The following DMD variants were observed in gnomAD, a reference collection of about 807,000 sequenced individuals.
DMD encodes mutant dystrophin.
In DMD, 63 loss-of-function variants were observed where a neutral mutation model predicts 330.1. The observed-to-expected ratio is 0.19, with a 90% CI of 0.16 to 0.24. The LOEUF (loss-of-function observed/expected upper bound fraction) is 0.24. Ranked by LOEUF, DMD falls within the 10% of genes least tolerant of loss-of-function variation. The pLI is 1.00. For synonymous variants in DMD, 1,223 were observed against 959.8 expected (o/e 1.27, Z -5.07); for missense variants, 3,344 against 2,684.1 (o/e 1.25, Z -5.43).
intron 2 of DMD, among the ~76,000 whole-genome samples, chrX:32,858,561 C>T (rs1466839003): frequency 1.8e-5 from 2 of 111,585 alleles, no homozygotes; most frequent in East Asian, 2.8e-4. Context: ...ATCTCTTGAC[C>T]TTGTGATCCG....
At position 32,573,950 on chromosome X, in the gene DMD, C is replaced by T. The variant is rs138977666; in HGVS notation, c.1603-104G>A. 8.8e-5 allele frequency: 55 copies of T among 624,782 alleles called. No homozygotes were observed. The African/African-American group carries it at 9.2e-4, about 11-fold the overall frequency. 51.5% of individuals were successfully genotyped at this position (624,782 alleles called of 1,213,427 possible). A position where few individuals can be genotyped will look rare whatever the true frequency, so the allele number is the denominator to read the frequency against. Reference sequence around the variant, plus strand: ...CCAAAGTATCTCAGTCTCCTATGTACGCTAGAAGTTGGAAGGGACACTCTT... The same window carrying T: ...CCAAAGTATCTCAGTCTCCTATGTATGCTAGAAGTTGGAAGGGACACTCTT... On this transcript the variant is annotated intron_variant, in intron 13 of 78. Transcript: ENST00000357033.
chrX:31,232,336 T>C lies in DMD; in HGVS notation c.9287-9215A>G, dbSNP rs138036037. 5.2e-3 allele frequency among the ~76,000 whole-genome samples: 573 copies of C among 110,927 alleles called. 4 individuals are homozygous for C. Among genetic ancestry groups the C allele is most frequent in the African/African-American group, 0.017 (528 of 30,456 alleles). ...ATTTGTCTCTCTTTATCCCTGAAAC[T>C]CTACCAGGTTGATAGAAGAGGAATA... is the stretch of plus-strand genomic sequence containing the variant. On this transcript the variant is annotated intron_variant, in intron 63 of 78. Coordinates refer to ENST00000357033, the MANE Select transcript of DMD (RefSeq NM_004006.3).
intron 60 of DMD, among the ~76,000 whole-genome samples, chrX:31,350,642 A>T (rs868741306): frequency 0.015 from 1,367 of 90,938 alleles, 10 homozygotes; most frequent in African/African-American, 0.036. Context: ...TGAGAGAGAG[A>T]GAGAGAGAGA....
intron 1 of DMD, among the ~76,000 whole-genome samples, chrX:33,049,420 C>T (rs915133269): frequency 1.8e-5 from 2 of 111,260 alleles, no homozygotes; most frequent in African/African-American, 6.5e-5. Flanking sequence ...TCTTAACCTA[C>T]AGTATTAATG....
chrX:31,553,945 A>T lies in DMD; in HGVS notation c.8218-46492T>A, dbSNP rs1374091733. 2.3e-4 allele frequency among the ~76,000 whole-genome samples: 26 copies of T among 112,836 alleles called. No homozygotes were observed. In the Admixed American group the frequency reaches 2.4e-3, roughly 11 times the overall value. ...ATTTAGAATCTTAAACAATATCATT[A>T]CATATGTCCTTTTGATTTTCAATGA... is the stretch of plus-strand genomic sequence containing the variant. On this transcript the variant is annotated intron_variant, in intron 55 of 78. Transcript: ENST00000357033.
At chrX:32,169,831 C>T (rs756406892) in intron 44 of DMD, among the ~76,000 whole-genome samples, 28 of 109,136 alleles carry the variant, frequency 2.6e-4, no homozygotes, top group African/African-American at 8.7e-4. Context: ...TTTTTTTCCT[C>T]GCATTGTTTC....
intron 39 of DMD, among the ~76,000 whole-genome samples, chrX:32,345,377 C>T (rs2097760322): frequency 9.0e-6 from 1 of 111,610 alleles, no homozygotes; most frequent in Non-Finnish European, 1.9e-5. Flanking sequence ...ATGAAAGTAG[C>T]AGTTCTTATT....
intron 59 of DMD, among the ~76,000 whole-genome samples, chrX:31,459,384 G>A (rs143469797): frequency 2.5e-3 from 283 of 112,265 alleles, no homozygotes; most frequent in African/African-American, 8.4e-3. Flanking sequence ...ACACATCAAT[G>A]TATTGCCAAA....
rs2044083706 is a variant in DMD, at chrX:32,501,817, T to G, written c.2318A>C (p.Lys773Thr). The change falls in exon 19 of 79, where the codon AAG becomes ACG. Residue 773 changes from lysine to threonine, a missense_variant. By Grantham distance (78) the Lys-to-Thr change is moderately conservative. Transcript: ENST00000357033. ...GCTGGCATCTTGCAGTTTTCTGAAC[T>G]TCTCAGCTTTTTCTCGCTCTATGGC... Reference protein sequence around the residue: ...VNAIEREKAEKFRKLQDASRS... With the variant: ...VNAIEREKAETFRKLQDASRS... 16 of 1,207,404 alleles carry G rather than the reference T, an allele frequency of 1.3e-5. 1 individual carries two copies. The highest frequency in any genetic ancestry group is 1.8e-5 in the Non-Finnish European group (16 of 892,809).
intron 49 of DMD, among the ~76,000 whole-genome samples, chrX:31,824,235 G>C (rs1489233402): frequency 2.7e-5 from 3 of 111,298 alleles, no homozygotes; most frequent in Admixed American, 9.5e-5. Flanking sequence ...AAATGGATAA[G>C]GGTATATGTA....
intron 7 of DMD, among the ~76,000 whole-genome samples, chrX:32,711,182 G>T (rs1179569131): frequency 3.6e-5 from 4 of 111,077 alleles, no homozygotes; most frequent in Non-Finnish European, 5.7e-5. Context: ...CTGGATGAGG[G>T]TTAAAACTGA....
At chrX:33,094,824 A>G (rs55946262) in intron 1 of DMD, among the ~76,000 whole-genome samples, 12 of 108,727 alleles carry the variant, frequency 1.1e-4, no homozygotes, top group African/African-American at 3.7e-4. Flanking sequence ...AAAAAAAAAG[A>G]AAAAAAAGAA....
chrX:33,067,927 T>C (rs2094690922), intron 1 of DMD, among the ~76,000 whole-genome samples: 1 of 112,137 alleles, frequency 8.9e-6, no homozygotes, highest in Admixed American at 9.5e-5. Flanking sequence ...TCCATAATAC[T>C]GATTCTCATT....
chrX:31,794,138 A>C (rs1316413797), intron 50 of DMD, among the ~76,000 whole-genome samples: 3 of 112,014 alleles, frequency 2.7e-5, no homozygotes, highest in Non-Finnish European at 5.6e-5. Flanking sequence ...GTGGTGTTAA[A>C]ATTGATTGAA....
intron 29 of DMD, among the ~76,000 whole-genome samples, chrX:32,412,816 C>T (rs887356992): frequency 9.0e-6 from 1 of 110,992 alleles, no homozygotes; most frequent in Non-Finnish European, 1.9e-5. Context: ...CAGAGCATGA[C>T]TGAGGTTTTA....
chrX:32,930,760 T>A (rs748704689), intron 2 of DMD, among the ~76,000 whole-genome samples: 10 of 110,384 alleles, frequency 9.1e-5, no homozygotes, highest in Middle Eastern at 4.8e-3. Context: ...TTGAGATTTA[T>A]CTCAAATATT....
chrX:31,905,622 G>T (rs2094469320), intron 47 of DMD, among the ~76,000 whole-genome samples: 1 of 110,233 alleles, frequency 9.1e-6, no homozygotes. Context: ...AAAAGGAAGG[G>T]GGGAGAAAGG....
In DMD at chrX:32,969,027, CAAAAAAAAAAAAAAA is replaced by C. The variant is rs142087164; in HGVS notation, c.93+51097_93+51111del. Among the ~76,000 whole-genome samples the C allele has an allele frequency of 8.6e-4, 17 of 19,825 alleles. No individual in the cohort carries two copies. In the East Asian group the frequency reaches 0.013, roughly 15 times the overall value. The allele number at this position is 19,825 out of a possible 115,157, so 17.2% of individuals were successfully genotyped here. ...TGGGAGACAGAATGAGATTCTGTCT[CAAAAAAAAAAAAAAA>C]AAAAAAAAAAAAAAGAACCTAGAAC... is the stretch of plus-strand genomic sequence containing the variant. On this transcript the variant is annotated intron_variant, in intron 2 of 78. Transcript: ENST00000357033.
At chrX:32,297,612 T>G (rs143218488) in intron 42 of DMD, among the ~76,000 whole-genome samples, 1,313 of 111,323 alleles carry the variant, frequency 0.012, 20 homozygotes, top group African/African-American at 0.041. Context: ...ATACTAGTGA[T>G]CCAGAAAGCA....
Sources: gnomAD v4.1 joint callset for allele counts (sites outside exome capture counted in the v4.1 genomes callset) on GRCh38, gnomAD v4.1.1 for gene constraint, MANE v1.5 for transcripts, NCBI Gene and HGNC (gene_info 2026-07-23, HGNC 2026-07-21) for gene names.